Variants in GRIK2 observed in about 807,000 individuals in gnomAD.
GRIK2 encodes the protein glutamate receptor ionotropic, kainate 2.
In GRIK2, 32 loss-of-function variants were observed where a neutral mutation model predicts 100.3. That is an observed-to-expected ratio of 0.32 (90% confidence interval 0.24 to 0.43). The LOEUF (loss-of-function observed/expected upper bound fraction) is 0.43. Among genes scored for constraint, GRIK2 ranks in the 20% least tolerant of loss-of-function variants. The pLI is 1.00. For synonymous variants in GRIK2, 417 were observed against 389.4 expected (o/e 1.07, Z -0.83); for missense variants, 843 against 1,114.9 (o/e 0.76, Z 3.47).
chr6:101,789,617 T>G (rs867434120), intron 7 of GRIK2, among the ~76,000 whole-genome samples: 4 of 152,308 alleles, frequency 2.6e-5, no homozygotes, highest in South Asian at 2.1e-4. Context: ...AGACTTGTAG[T>G]ATAGTTTGAA....
intron 12 of GRIK2, among the ~76,000 whole-genome samples, chr6:101,918,775 C>T (rs1216914770): frequency 1.3e-5 from 2 of 151,638 alleles, no homozygotes; most frequent in Non-Finnish European, 3.0e-5. Flanking sequence ...AATGCAAGTG[C>T]TAATAATAAT....
chr6:101,568,303 G>C (rs1777377757), intron 2 of GRIK2, among the ~76,000 whole-genome samples: 1 of 151,842 alleles, frequency 6.6e-6, no homozygotes, highest in Non-Finnish European at 1.5e-5. Context: ...TAAATCCTTT[G>C]TGCTTCTTTG....
chr6:101,451,933 G>A (rs910784545), intron 2 of GRIK2, among the ~76,000 whole-genome samples: 1 of 151,656 alleles, frequency 6.6e-6, no homozygotes, highest in Non-Finnish European at 1.5e-5. Context: ...GGGTAAAACA[G>A]TATTCACTAG....
intron 11 of GRIK2, among the ~76,000 whole-genome samples, chr6:101,882,572 A>G (rs1177216388): frequency 2.0e-5 from 3 of 151,550 alleles, no homozygotes; most frequent in Non-Finnish European, 4.4e-5. Context: ...TTTTTTTTTT[A>G]AATGATTTCC....
Position 101,488,696 on chromosome 6 carries a change from A to G in GRIK2, c.115+89304A>G, listed in dbSNP as rs75968617. Among the ~76,000 whole-genome samples the G allele has an allele frequency of 9.0e-3, 1,327 of 146,718 alleles. 193 individuals are homozygous for G. The highest frequency in any genetic ancestry group is 0.032 in the African/African-American group (1,243 of 38,560). On this transcript the variant is annotated intron_variant, in intron 2 of 16. Transcript: ENST00000369134. ...CAACAAATTGCTCAGCCCAAATTGT[A>G]TCTAAATTATTTTATTTAGGTTCTC...
At chr6:101,940,959 C>A (rs1790919901) in intron 14 of GRIK2, among the ~76,000 whole-genome samples, 1 of 151,924 alleles carries the variant, frequency 6.6e-6, no homozygotes, top group South Asian at 2.1e-4. Context: ...TAACCTTTGC[C>A]TCATATAAGA....
intron 14 of GRIK2, among the ~76,000 whole-genome samples, chr6:101,990,336 G>A (rs949525431): frequency 6.6e-6 from 1 of 151,548 alleles, no homozygotes; most frequent in Non-Finnish European, 1.5e-5. Flanking sequence ...GTAAAGACTT[G>A]CCCAAAGTCA....
At chr6:101,524,857 G>A (rs890447110) in intron 2 of GRIK2, among the ~76,000 whole-genome samples, 8 of 151,590 alleles carry the variant, frequency 5.3e-5, no homozygotes, top group African/African-American at 9.7e-5. Context: ...TCAGACTTCC[G>A]AGTAGCTGGG....
chr6:102,009,781 C>T (rs566371155), intron 14 of GRIK2, among the ~76,000 whole-genome samples: 2 of 152,216 alleles, frequency 1.3e-5, no homozygotes, highest in South Asian at 4.1e-4. Flanking sequence ...ACACACTCAA[C>T]AACTATACTA....
intron 1 of GRIK2, among the ~76,000 whole-genome samples, chr6:101,394,257 A>T (rs1774913419): frequency 6.6e-6 from 1 of 151,952 alleles, no homozygotes; most frequent in Non-Finnish European, 1.5e-5. Context: ...CCTTCCATTA[A>T]CCCTACTCCT....
chr6:101,822,685 A>C (rs1456241370), intron 10 of GRIK2, among the ~76,000 whole-genome samples: 1 of 152,256 alleles, frequency 6.6e-6, no homozygotes, highest in East Asian at 1.9e-4. Context: ...TTGTAATAAT[A>C]AACTTTTGAA....
At chr6:101,926,207 T>G (rs1049443268) in intron 13 of GRIK2, among the ~76,000 whole-genome samples, 24 of 149,542 alleles carry the variant, frequency 1.6e-4, no homozygotes, top group African/African-American at 5.1e-4. Flanking sequence ...TTTTTTTTTT[T>G]TTTTTTTTTT....
intron 10 of GRIK2, among the ~76,000 whole-genome samples, chr6:101,829,023 A>AC (rs1782510038): frequency 6.6e-6 from 1 of 151,916 alleles, no homozygotes; most frequent in Admixed American, 6.6e-5. Context: ...ACAAAATGTA[A>AC]CCAAACAAAA....
At chr6:101,599,845 G>A (rs1366488108) in intron 2 of GRIK2, among the ~76,000 whole-genome samples, 1 of 151,698 alleles carries the variant, frequency 6.6e-6, no homozygotes, top group Admixed American at 6.6e-5. Context: ...CTTCTATCCT[G>A]TAGGTTGTCT....
rs755830629 is a variant in GRIK2 at position 101,924,652 on chromosome 6, C to T, written c.1800C>T (p.Asp600=). 4 of 1,611,892 alleles carry T rather than the reference C, an allele frequency of 2.5e-6. No individual in the cohort carries two copies. The highest frequency in any genetic ancestry group is 3.4e-6 in the Non-Finnish European group (4 of 1,177,952). ...YNPHPCNPDS[D]VVENNFTLLN... is the part of the protein sequence containing the mutation. ...CACACCCTTGCAACCCTGACTCAGACGTGGTGGAAAACAATTTTACCTTGC... is the reference window on the plus strand; with the variant it reads ...CACACCCTTGCAACCCTGACTCAGATGTGGTGGAAAACAATTTTACCTTGC... The change falls in exon 13 of 17, where the codon GAC becomes GAT. Residue 600 remains aspartate, a synonymous_variant. Transcript: ENST00000369134.
intron 2 of GRIK2, among the ~76,000 whole-genome samples, chr6:101,576,698 G>T (rs530486882): frequency 1.3e-5 from 2 of 152,002 alleles, no homozygotes; most frequent in South Asian, 4.1e-4. Context: ...AACATATTTA[G>T]GTATCTATTT....
At chr6:101,891,756 T>C (rs932621955) in intron 12 of GRIK2, among the ~76,000 whole-genome samples, 3 of 152,146 alleles carry the variant, frequency 2.0e-5, no homozygotes, top group Non-Finnish European at 2.9e-5. Flanking sequence ...TTTATGTGAC[T>C]TTTGGGGTTC....
At chr6:101,932,586 T>C (rs1417172042) in intron 14 of GRIK2, among the ~76,000 whole-genome samples, 5 of 151,908 alleles carry the variant, frequency 3.3e-5, no homozygotes, top group Non-Finnish European at 4.4e-5. Flanking sequence ...TTGAAGTTTT[T>C]TTTTTTTAAA....
intron 4 of GRIK2, among the ~76,000 whole-genome samples, chr6:101,654,792 A>G (rs184963034): frequency 1.3e-5 from 2 of 152,176 alleles, no homozygotes; most frequent in East Asian, 3.9e-4. Context: ...TACCTGCTGA[A>G]CCATTTTGCA....
Sources: allele counts gnomAD v4.1 joint callset (sites outside exome capture counted in the v4.1 genomes callset), GRCh38; gene constraint gnomAD v4.1.1; transcripts MANE v1.5; gene names NCBI Gene and HGNC (gene_info 2026-07-23, HGNC 2026-07-21).